WARS2: variants seen among roughly 807,000 people sequenced by gnomAD.
WARS2 encodes the protein tryptophan--tRNA ligase, mitochondrial.
WARS2 carries 28 observed loss-of-function variants against 36.5 expected under a neutral mutation model. That is an observed-to-expected ratio of 0.77 (90% confidence interval 0.57 to 1.05). WARS2 has a LOEUF of 1.05. Ranked by LOEUF, WARS2 falls within the 50% of genes least tolerant of loss-of-function variation. The pLI is 0.00. For missense variants in WARS2, 435 were observed against 456.8 expected (o/e 0.95, Z 0.44); for synonymous variants, 174 against 178.4 (o/e 0.98, Z 0.20).
intron 4 of WARS2, 61 bp downstream of exon 4, chr1:119,042,203 G>A (rs1157672447): frequency 3.3e-6 from 5 of 1,536,188 alleles, no homozygotes; most frequent in Non-Finnish European, 4.5e-6. Flanking sequence ...GTATTGAATA[G>A]GTTAAAACAC....
At chr1:119,123,176 TAAAG>T (rs1429956228) in intron 1 of WARS2, among the ~76,000 whole-genome samples, 1 of 152,190 alleles carries the variant, frequency 6.6e-6, no homozygotes, top group Non-Finnish European at 1.5e-5. Context: ...TTAACATATC[TAAAG>T]AAAGAATATG....
intron 2 of WARS2, among the ~76,000 whole-genome samples, chr1:119,073,216 C>A (rs1186785485): frequency 6.6e-6 from 1 of 150,768 alleles, no homozygotes; most frequent in Non-Finnish European, 1.5e-5. Context: ...GAAATGTTAA[C>A]AAGTGATGGG....
At chr1:119,137,655 G>A (rs1377276420) in intron 1 of WARS2, among the ~76,000 whole-genome samples, 1 of 152,126 alleles carries the variant, frequency 6.6e-6, no homozygotes, top group East Asian at 1.9e-4. Flanking sequence ...CATTTAAACA[G>A]AACATGTCAG....
intron 2 of WARS2, among the ~76,000 whole-genome samples, chr1:119,056,238 T>C (rs1649798027): frequency 1.4e-5 from 2 of 145,850 alleles, no homozygotes; most frequent in African/African-American, 5.1e-5. Flanking sequence ...GGTTTTGCCA[T>C]GTAGCCCAGG....
In WARS2 at chr1:119,033,232, A is replaced by G; in HGVS notation, c.762T>C (p.Ala254=). 1 of 1,614,260 alleles carries G rather than the reference A, an allele frequency of 6.2e-7. No individual in the cohort carries two copies. The highest frequency in any genetic ancestry group is 8.5e-7 in the Non-Finnish European group (1 of 1,180,046). The stretch of plus-strand genomic sequence containing the variant: ...TGACCTCCGAGGTGAAGTCTGTCAC[A>G]GCCTTGCGGAATTTCTGCACTATCT... The part of the protein sequence containing the change: ...PEEIVQKFRK[A]VTDFTSEVTY... The change falls in exon 6 of 6, where the codon GCT becomes GCC. Residue 254 remains alanine (A), a synonymous_variant. Transcript: ENST00000235521.
At position 119,065,626 on chromosome 1, in the gene WARS2, C is replaced by T. The variant is rs552821090; in HGVS notation, c.348+10724G>A. ...CTCCAGCCTGGGTGACAGAGTGAGA[C>T]TCTGTCTCAAAAAAAAAAAAAAAAA... On this transcript the variant is annotated intron_variant, in intron 2 of 5. Coordinates refer to ENST00000235521, the MANE Select transcript of WARS2 (RefSeq NM_015836.4). Among the ~76,000 whole-genome samples the T allele has an allele frequency of 1.8e-4, 23 of 129,040 alleles. No homozygotes were observed. In the East Asian group the frequency reaches 4.0e-3, roughly 22 times the overall value. 84.7% of individuals were successfully genotyped at this position (129,040 alleles called of 152,430 possible).
chr1:119,074,449 A>T (rs1266383560), intron 2 of WARS2, among the ~76,000 whole-genome samples: 1 of 152,214 alleles, frequency 6.6e-6, no homozygotes, highest in Non-Finnish European at 1.5e-5. Context: ...AACTATATGG[A>T]GGTAGATATT....
chr1:119,071,676 A>T (rs1651327262), intron 2 of WARS2, among the ~76,000 whole-genome samples: 1 of 152,202 alleles, frequency 6.6e-6, no homozygotes, highest in Non-Finnish European at 1.5e-5. Flanking sequence ...GGGCAAGAGG[A>T]AATGGGAAGA....
intron 1 of WARS2, among the ~76,000 whole-genome samples, chr1:119,128,952 C>T (rs587699009): frequency 6.6e-6 from 1 of 152,210 alleles, no homozygotes; most frequent in South Asian, 2.1e-4. Context: ...ATATGGTCTG[C>T]TAAAGAAGTT....
chr1:119,075,274 T>TTC (rs1651640983), intron 2 of WARS2, among the ~76,000 whole-genome samples: 1 of 152,118 alleles, frequency 6.6e-6, no homozygotes, highest in Admixed American at 6.5e-5. Context: ...TGCATAGCAT[T>TTC]TATATTGTAT....
intron 2 of WARS2, among the ~76,000 whole-genome samples, chr1:119,075,651 G>T (rs1651670785): frequency 6.6e-6 from 1 of 152,146 alleles, no homozygotes; most frequent in Admixed American, 6.6e-5. Context: ...TAAGGTTAAA[G>T]CAGATACATA....
intron 1 of WARS2, among the ~76,000 whole-genome samples, chr1:119,112,759 G>A (rs1557988605): frequency 6.6e-6 from 1 of 152,190 alleles, no homozygotes; most frequent in Non-Finnish European, 1.5e-5. Flanking sequence ...CCAGGCAACA[G>A]TAAATGCCCA....
intron 1 of WARS2, among the ~76,000 whole-genome samples, chr1:119,126,214 C>A (rs1655644528): frequency 6.7e-6 from 1 of 148,482 alleles, no homozygotes; most frequent in Admixed American, 6.8e-5. Flanking sequence ...AATCCTGGAT[C>A]AAGGCTAAAG....
intron 1 of WARS2, among the ~76,000 whole-genome samples, chr1:119,095,484 C>T (rs7529255): frequency 0.39 from 59,686 of 151,442 alleles, 12,376 homozygotes; most frequent in African/African-American, 0.51. Context: ...AGTGCAGTGG[C>T]GATCTCGGCT....
chr1:119,120,456 C>T (rs898362260), intron 1 of WARS2, among the ~76,000 whole-genome samples: 2 of 151,984 alleles, frequency 1.3e-5, no homozygotes, highest in Admixed American at 6.6e-5. Flanking sequence ...GGATTCACAG[C>T]CGAATTCTAT....
intron 2 of WARS2, among the ~76,000 whole-genome samples, chr1:119,075,692 CT>C: frequency 6.6e-6 from 1 of 152,198 alleles, no homozygotes; most frequent in South Asian, 2.1e-4. Context: ...GAATTTTCAT[CT>C]TTTTCTAGGG....
At chr1:119,117,588 G>C (rs1306884355) in intron 1 of WARS2, among the ~76,000 whole-genome samples, 1 of 152,214 alleles carries the variant, frequency 6.6e-6, no homozygotes, top group Non-Finnish European at 1.5e-5. Flanking sequence ...CAGAGGTCCT[G>C]AGTCTGTTCA....
At chr1:119,101,091 G>T (rs1653824141) in intron 1 of WARS2, among the ~76,000 whole-genome samples, 1 of 152,162 alleles carries the variant, frequency 6.6e-6, no homozygotes, top group African/African-American at 2.4e-5. Context: ...ATGAAGAGAA[G>T]TGGGTTGAAG....
intron 4 of WARS2, among the ~76,000 whole-genome samples, chr1:119,035,995 G>C (rs979227961): frequency 6.6e-6 from 1 of 152,102 alleles, no homozygotes; most frequent in African/African-American, 2.4e-5. Flanking sequence ...ACCTGAGGTC[G>C]GGAGTTCGAG....
Sources: allele counts gnomAD v4.1 joint callset (sites outside exome capture counted in the v4.1 genomes callset), GRCh38; gene constraint gnomAD v4.1.1; transcripts MANE v1.5; gene names NCBI Gene and HGNC (gene_info 2026-07-23, HGNC 2026-07-21).